DHRSX: variants seen among roughly 807,000 people sequenced by gnomAD.
DHRSX encodes polyprenol dehydrogenase.
In DHRSX, 31 loss-of-function variants were observed where a neutral mutation model predicts 34.0. The ratio of observed to expected loss-of-function variants is 0.91; its 90% CI spans 0.69 to 1.23. DHRSX has a LOEUF of 1.23. Ranked by LOEUF, DHRSX falls within the 50% of genes most tolerant of loss-of-function variation. The probability of loss-of-function intolerance (pLI) is 0.00; values close to 1 mark genes in which losing one functional copy is unlikely to be tolerated. For missense variants in DHRSX, 414 were observed against 428.1 expected (o/e 0.97, Z 0.29); for synonymous variants, 201 against 183.8 (o/e 1.09, Z -0.76).
intron 1 of DHRSX, among the ~76,000 whole-genome samples, chrX:2,492,863 TTTCTGGTACTTTATTAAAGCAAGGTA>T (rs1312840940): frequency 6.6e-6 from 1 of 152,190 alleles, no homozygotes; most frequent in African/African-American, 2.4e-5. Context: ...AGCCCTCCGG[TTTCTGGTACTTTATTAAAGCAAGGTA>T]TTCTGAAGGT....
chrX:2,239,002 T>C (rs2016080652), intron 6 of DHRSX, among the ~76,000 whole-genome samples: 1 of 152,224 alleles, frequency 6.6e-6, no homozygotes, highest in Admixed American at 6.5e-5. Flanking sequence ...CTACTGCAGC[T>C]GTATAGCCTT....
chrX:2,325,941 G>A (rs761503488), intron 3 of DHRSX, among the ~76,000 whole-genome samples: 6 of 152,146 alleles, frequency 3.9e-5, no homozygotes, highest in Non-Finnish European at 5.9e-5. Flanking sequence ...GAACCCCAGG[G>A]TATATACCCC....
At chrX:2,416,462 A>T (rs1321888642) in intron 2 of DHRSX, among the ~76,000 whole-genome samples, 1 of 152,216 alleles carries the variant, frequency 6.6e-6, no homozygotes, top group African/African-American at 2.4e-5. Flanking sequence ...CAGAGTCACC[A>T]ATCTGCGGCT....
intron 6 of DHRSX, among the ~76,000 whole-genome samples, chrX:2,230,513 G>C (rs1007624623): frequency 6.6e-6 from 1 of 152,160 alleles, no homozygotes; most frequent in Non-Finnish European, 1.5e-5. Flanking sequence ...TTGAGTTCAC[G>C]TATCAATTGG....
chrX:2,357,700 T>TAAAAAAAAAAAAAAAA (rs781233833), intron 3 of DHRSX, among the ~76,000 whole-genome samples: 1 of 125,166 alleles, frequency 8.0e-6, no homozygotes, highest in African/African-American at 3.0e-5. Context: ...CTCAGGAAAT[T>TAAAAAAAAAAAAAAAA]AAAAAAAAAA....
chrX:2,492,919 G>A (rs1397175192), intron 1 of DHRSX, among the ~76,000 whole-genome samples: 1 of 152,246 alleles, frequency 6.6e-6, no homozygotes, highest in African/African-American at 2.4e-5. Flanking sequence ...CCGAAATAAT[G>A]AGTGGAGGTC....
chrX:2,347,308 TACTC>T (rs923076084), intron 3 of DHRSX, among the ~76,000 whole-genome samples: 27 of 152,286 alleles, frequency 1.8e-4, no homozygotes, highest in Middle Eastern at 3.4e-3. Context: ...TCATAAAACT[TACTC>T]ACTATCATGA....
chrX:2,288,922 C>G (rs2041836294), intron 4 of DHRSX, among the ~76,000 whole-genome samples: 1 of 152,014 alleles, frequency 6.6e-6, no homozygotes, highest in African/African-American at 2.4e-5. Context: ...GAGGAGAATC[C>G]TAGGAATGCA....
intron 2 of DHRSX, among the ~76,000 whole-genome samples, chrX:2,412,497 T>G (rs2043644242): frequency 6.7e-6 from 1 of 150,142 alleles, no homozygotes. Context: ...TTAAGGTGTG[T>G]CTAAAGGGGT....
intron 1 of DHRSX, among the ~76,000 whole-genome samples, chrX:2,485,632 G>C (rs2044874940): frequency 9.6e-6 from 1 of 104,676 alleles, no homozygotes; most frequent in African/African-American, 3.9e-5. Context: ...AGGAGGGAGG[G>C]AGGAGAGGGA....
chrX:2,405,903 TA>T (rs771086694), intron 3 of DHRSX, among the ~76,000 whole-genome samples: 141 of 84,172 alleles, frequency 1.7e-3, no homozygotes, highest in Non-Finnish European at 2.3e-3. Flanking sequence ...GATGTGCATT[TA>T]AAAAAAAAAA....
intron 1 of DHRSX, among the ~76,000 whole-genome samples, chrX:2,461,823 C>G (rs1050256929): frequency 3.9e-5 from 6 of 152,186 alleles, no homozygotes; most frequent in Non-Finnish European, 8.8e-5. Flanking sequence ...CCTCTGCCTC[C>G]TCAGTAGCTG....
intron 3 of DHRSX, among the ~76,000 whole-genome samples, chrX:2,304,113 A>G (rs1438500516): frequency 4.4e-5 from 3 of 67,418 alleles, no homozygotes; most frequent in African/African-American, 1.0e-4. Context: ...GGATAGATGG[A>G]TGGATGGATA....
Position 2,291,519 on chromosome X carries a change from T to C in DHRSX, c.371A>G (p.His124Arg). The C allele has an allele frequency of 6.2e-7, 1 of 1,613,812 alleles. No individual in the cohort carries two copies. The highest frequency in any genetic ancestry group is 8.5e-7 in the Non-Finnish European group (1 of 1,179,762). The change falls in exon 4 of 7, where the codon CAT becomes CGT. Residue 124 changes from histidine to arginine, a missense_variant. Physicochemically the swap from His to Arg is conservative, Grantham distance 29. Transcript: ENST00000334651. The part of the protein sequence containing the change: ...QKFKMKKIPL[H>R]VLINNAGVMM... Reference sequence around the variant, plus strand: ...GGACTCACCATTGTTGATCAGGACATGGAGAGGAATCTTCTTCATCTTGAA... The same window carrying C: ...GGACTCACCATTGTTGATCAGGACACGGAGAGGAATCTTCTTCATCTTGAA...
chrX:2,406,379 A>T (rs1160979459), intron 3 of DHRSX, among the ~76,000 whole-genome samples: 2 of 152,130 alleles, frequency 1.3e-5, no homozygotes, highest in African/African-American at 4.8e-5. Context: ...ATGAGCTACT[A>T]TCTCACACCA....
intron 4 of DHRSX, among the ~76,000 whole-genome samples, chrX:2,282,685 G>C (rs1483700962): frequency 7.0e-6 from 1 of 142,544 alleles, no homozygotes; most frequent in African/African-American, 2.6e-5. Context: ...AGAGAGAGAA[G>C]AGGGGAGAAA....
At chrX:2,291,264 C>T (rs1483903790) in intron 4 of DHRSX, among the ~76,000 whole-genome samples, 2 of 152,150 alleles carry the variant, frequency 1.3e-5, no homozygotes. Context: ...GACAAGTCAA[C>T]GTGTCAACTC....
chrX:2,303,502 C>G (rs995656682), intron 3 of DHRSX, among the ~76,000 whole-genome samples: 1 of 152,174 alleles, frequency 6.6e-6, no homozygotes. Flanking sequence ...TTCCACTTCA[C>G]CTTCCATCAT....
At chrX:2,404,133 C>T (rs1185246351) in intron 3 of DHRSX, among the ~76,000 whole-genome samples, 1 of 152,244 alleles carries the variant, frequency 6.6e-6, no homozygotes, top group Non-Finnish European at 1.5e-5. Flanking sequence ...TTCAGGACAG[C>T]AGCAAGTGTA....
Sources: allele counts gnomAD v4.1 joint callset (sites outside exome capture counted in the v4.1 genomes callset), GRCh38; gene constraint gnomAD v4.1.1; transcripts MANE v1.5; gene names NCBI Gene and HGNC (gene_info 2026-07-23, HGNC 2026-07-21).